Variants in MAPK10 observed in about 807,000 individuals in gnomAD.
MAPK10 encodes the protein JNK3 alpha protein kinase.
A neutral mutation model predicts 59.3 loss-of-function variants in MAPK10; 25 were observed. That is an observed-to-expected ratio of 0.42 (90% confidence interval 0.31 to 0.59). The LOEUF is 0.59. MAPK10 is among the 20% of genes least tolerant of loss of function. MAPK10 has a pLI of 0.15. For synonymous variants in MAPK10, 190 were observed against 200.5 expected (o/e 0.95, Z 0.44); for missense variants, 351 against 568.9 (o/e 0.62, Z 3.90).
intron 2 of MAPK10, among the ~76,000 whole-genome samples, chr4:86,225,171 C>T (rs1284560849): frequency 6.6e-6 from 1 of 152,086 alleles, no homozygotes; most frequent in Non-Finnish European, 1.5e-5. Flanking sequence ...GAAGTTTGGC[C>T]CTGAGCTGGA....
At chr4:86,571,356 G>T (rs9685414) in intron 1 of MAPK10, among the ~76,000 whole-genome samples, 1 of 145,428 alleles carries the variant, frequency 6.9e-6, no homozygotes, top group Non-Finnish European at 1.5e-5. Context: ...GTGTGTGTGT[G>T]TATCTCCAGT....
chr4:86,236,287 T>C (rs962888502), intron 2 of MAPK10, among the ~76,000 whole-genome samples: 1 of 152,178 alleles, frequency 6.6e-6, no homozygotes, highest in Non-Finnish European at 1.5e-5. Flanking sequence ...TAATATAACA[T>C]ATTCAGAGGT....
intron 4 of MAPK10, among the ~76,000 whole-genome samples, chr4:86,136,851 C>A (rs185466154): frequency 0.23 from 34,020 of 150,806 alleles, 4,568 homozygotes; most frequent in African/African-American, 0.38. Flanking sequence ...TCTACCAAGC[C>A]AATGGAAAAC....
intron 2 of MAPK10, among the ~76,000 whole-genome samples, chr4:86,242,636 A>G (rs948434777): frequency 6.6e-6 from 1 of 152,226 alleles, no homozygotes; most frequent in Non-Finnish European, 1.5e-5. Flanking sequence ...CCTGACTGCC[A>G]CAGCCAGTGT....
chr4:86,103,075 C>CTGTGTGTG (rs10681488), intron 6 of MAPK10, 111 bp downstream of exon 6: 56,480 of 493,100 alleles, frequency 0.11, 1,677 homozygotes, highest in East Asian at 0.13. Context: ...GATTTCAACT[C>CTGTGTGTG]TGTGTGTGTG....
chr4:86,150,192 T>C (rs1449222425), intron 4 of MAPK10, among the ~76,000 whole-genome samples: 2 of 152,130 alleles, frequency 1.3e-5, no homozygotes, highest in Non-Finnish European at 2.9e-5. Context: ...TGAAGTAACA[T>C]AGGAATGTTA....
chr4:86,304,937 G>A (rs2095540191), intron 2 of MAPK10, among the ~76,000 whole-genome samples: 1 of 152,078 alleles, frequency 6.6e-6, no homozygotes, highest in Admixed American at 6.5e-5. Flanking sequence ...ATTTTTTAGG[G>A]ACAGTGTTGT....
chr4:86,515,784 G>T (rs200062630), intron 1 of MAPK10, among the ~76,000 whole-genome samples: 1 of 152,060 alleles, frequency 6.6e-6, no homozygotes, highest in East Asian at 1.9e-4. Context: ...CTACTCTGCG[G>T]GTTGTCTGTT....
intron 9 of MAPK10, among the ~76,000 whole-genome samples, chr4:86,069,926 C>T (rs1413664872): frequency 6.6e-6 from 1 of 151,892 alleles, no homozygotes; most frequent in African/African-American, 2.4e-5. Flanking sequence ...AAAACTGATA[C>T]TTTTATATTA....
At chr4:86,425,919 C>T (rs913142048) in intron 1 of MAPK10, among the ~76,000 whole-genome samples, 3 of 152,182 alleles carry the variant, frequency 2.0e-5, no homozygotes, top group Admixed American at 1.3e-4. Context: ...CGCAGTGAGC[C>T]GAGATTGAGC....
chr4:86,119,518 C>T (rs914667679), intron 4 of MAPK10: 3 of 150,020 alleles, frequency 2.0e-5, no homozygotes, highest in African/African-American at 7.5e-5. Context: ...TTGCTGGAAT[C>T]CGGCAGGCAG....
chr4:86,421,158 C>G (rs557712523), intron 1 of MAPK10, among the ~76,000 whole-genome samples: 2 of 152,134 alleles, frequency 1.3e-5, no homozygotes, highest in African/African-American at 2.4e-5. Context: ...CATGTGTTTA[C>G]TTAAAATGAA....
chr4:86,143,760 C>T (rs1172428416), intron 4 of MAPK10, among the ~76,000 whole-genome samples: 1 of 152,100 alleles, frequency 6.6e-6, no homozygotes, highest in East Asian at 1.9e-4. Flanking sequence ...TGATTCCCAA[C>T]CTCAAGGAAA....
chr4:86,085,881 G>T (rs1338595524), intron 9 of MAPK10, among the ~76,000 whole-genome samples: 1 of 152,082 alleles, frequency 6.6e-6, no homozygotes, highest in African/African-American at 2.4e-5. Context: ...AGAAAATGTG[G>T]TACATTTAAA....
At chr4:86,461,621 TGAG>T (rs1340142227) in intron 1 of MAPK10, among the ~76,000 whole-genome samples, 2 of 152,090 alleles carry the variant, frequency 1.3e-5, no homozygotes, top group African/African-American at 4.8e-5. Flanking sequence ...ACACTGATGA[TGAG>T]GAGGAAGGAG....
At chr4:86,241,096 G>A (rs2092694383) in intron 2 of MAPK10, among the ~76,000 whole-genome samples, 1 of 152,108 alleles carries the variant, frequency 6.6e-6, no homozygotes, top group African/African-American at 2.4e-5. Flanking sequence ...TGCATATGAA[G>A]CTTAGTTTGG....
intron 1 of MAPK10, among the ~76,000 whole-genome samples, chr4:86,586,399 C>G (rs1369014220): frequency 6.6e-6 from 1 of 152,164 alleles, no homozygotes; most frequent in Non-Finnish European, 1.5e-5. Context: ...CACCAAATTC[C>G]TCTCTCTGTC....
intron 2 of MAPK10, among the ~76,000 whole-genome samples, chr4:86,206,693 C>G (rs1582796020): frequency 6.6e-6 from 1 of 152,296 alleles, no homozygotes; most frequent in East Asian, 1.9e-4. Flanking sequence ...TTCTCTACAT[C>G]CTCTCCAGCA....
intron 2 of MAPK10, among the ~76,000 whole-genome samples, chr4:86,214,917 A>G (rs1350137057): frequency 6.6e-6 from 1 of 152,142 alleles, no homozygotes; most frequent in Non-Finnish European, 1.5e-5. Context: ...AATCCACCCT[A>G]AAATTCATAT....
Sources: allele counts gnomAD v4.1 joint callset (sites outside exome capture counted in the v4.1 genomes callset), GRCh38; gene constraint gnomAD v4.1.1; transcripts MANE v1.5; gene names NCBI Gene and HGNC (gene_info 2026-07-23, HGNC 2026-07-21).